The following LRMDA variants were observed in gnomAD, a reference collection of about 807,000 sequenced individuals.
LRMDA encodes leucine-rich melanocyte differentiation-associated protein.
A neutral mutation model predicts 29.8 loss-of-function variants in LRMDA; 18 were observed. The observed-to-expected ratio is 0.60, with a 90% CI of 0.42 to 0.90. The LOEUF (loss-of-function observed/expected upper bound fraction) is 0.90. LRMDA is among the 40% of genes least tolerant of loss of function. The pLI, the probability that LRMDA is intolerant of heterozygous loss-of-function variation, is 0.00. For missense variants in LRMDA, 273 were observed against 273.9 expected, an observed-to-expected ratio of 1.00 and a Z score of 0.02; for synonymous variants, 125 against 109.4, an observed-to-expected ratio of 1.14 and a Z score of -0.89.
At chr10:75,655,858 G>A (rs10824329) in intron 2 of LRMDA, among the ~76,000 whole-genome samples, 88,912 of 151,898 alleles carry the variant, frequency 0.59, 30,286 homozygotes, top group Non-Finnish European at 0.76. Flanking sequence ...TGGTTCAAAC[G>A]TGTGTGGAGC....
At chr10:76,276,447 A>G (rs1177482671) in intron 5 of LRMDA, among the ~76,000 whole-genome samples, 1 of 152,064 alleles carries the variant, frequency 6.6e-6, no homozygotes, top group African/African-American at 2.4e-5. Flanking sequence ...CCTGGCCTCT[A>G]GTGAATTTTT....
chr10:75,893,953 AAAAG>A (rs1021233059), intron 2 of LRMDA, among the ~76,000 whole-genome samples: 2 of 152,058 alleles, frequency 1.3e-5, no homozygotes, highest in Non-Finnish European at 2.9e-5. Flanking sequence ...AAACAAAAAA[AAAAG>A]AAAGAAAAGT....
chr10:75,963,815 A>G (rs1368669073), intron 2 of LRMDA, among the ~76,000 whole-genome samples: 1 of 152,238 alleles, frequency 6.6e-6, no homozygotes, highest in African/African-American at 2.4e-5. Context: ...GCATATCCAC[A>G]CACATTTGAA....
At chr10:76,525,706 A>G (rs771668676) in intron 6 of LRMDA, among the ~76,000 whole-genome samples, 8 of 152,194 alleles carry the variant, frequency 5.3e-5, no homozygotes, top group African/African-American at 7.2e-5. Flanking sequence ...TGTTTTACAT[A>G]TAATACAATA....
chr10:76,418,748 A>G lies in LRMDA; in HGVS notation c.601+94263A>G, dbSNP rs554170508. Reference sequence around the variant, plus strand: ...TAATGAGTGCTATAGAACTGTTATCATTATCCTTTATCAATTAGAAAAGGC... The same window carrying G: ...TAATGAGTGCTATAGAACTGTTATCGTTATCCTTTATCAATTAGAAAAGGC... On this transcript the variant is annotated intron_variant, in intron 6 of 6. Coordinates refer to ENST00000611255, the MANE Select transcript of LRMDA (RefSeq NM_001305581.2). 7.9e-5 allele frequency among the ~76,000 whole-genome samples: 12 copies of G among 152,106 alleles called. No homozygotes were observed. The East Asian group carries it at 1.9e-3, about 24-fold the overall frequency.
At chr10:76,120,189 A>ATTT (rs35999168) in intron 5 of LRMDA, among the ~76,000 whole-genome samples, 1 of 133,170 alleles carries the variant, frequency 7.5e-6, no homozygotes, top group African/African-American at 2.9e-5. Flanking sequence ...GTATGTGTTG[A>ATTT]TTTTTTTTTT....
At chr10:75,917,984 CAG>C (rs1427457776) in intron 2 of LRMDA, among the ~76,000 whole-genome samples, 1 of 147,420 alleles carries the variant, frequency 6.8e-6, no homozygotes, top group African/African-American at 2.6e-5. Flanking sequence ...CACACACACA[CAG>C]GCCTGGCACT....
intron 5 of LRMDA, among the ~76,000 whole-genome samples, chr10:76,319,551 C>T (rs1010037639): frequency 3.3e-5 from 5 of 152,214 alleles, no homozygotes; most frequent in African/African-American, 1.2e-4. Context: ...CCCAGCAATG[C>T]AACCAATGTT....
At chr10:76,414,633 A>G (rs910195040) in intron 6 of LRMDA, among the ~76,000 whole-genome samples, 4 of 152,218 alleles carry the variant, frequency 2.6e-5, no homozygotes, top group African/African-American at 9.6e-5. Context: ...AGGAGTTTAG[A>G]AGACTCAAGC....
At chr10:76,378,000 A>T (rs4746389) in intron 6 of LRMDA, among the ~76,000 whole-genome samples, 3,249 of 151,946 alleles carry the variant, frequency 0.021, 127 homozygotes, top group African/African-American at 0.072. Context: ...ACAATATTTG[A>T]CTTTTTAATC....
intron 2 of LRMDA, among the ~76,000 whole-genome samples, chr10:76,004,057 G>A (rs1847606042): frequency 6.6e-6 from 1 of 152,134 alleles, no homozygotes; most frequent in African/African-American, 2.4e-5. Flanking sequence ...GCAAATGAAT[G>A]AACAATGAAT....
chr10:75,706,855 A>G (rs1842376236), intron 2 of LRMDA, among the ~76,000 whole-genome samples: 1 of 151,526 alleles, frequency 6.6e-6, no homozygotes, highest in African/African-American at 2.4e-5. Flanking sequence ...CCCTTTGTCT[A>G]AAGACATGTA....
chr10:76,504,324 T>C (rs1429874328), intron 6 of LRMDA, among the ~76,000 whole-genome samples: 2 of 152,056 alleles, frequency 1.3e-5, no homozygotes, highest in Non-Finnish European at 2.9e-5. Flanking sequence ...GGTATAGTAT[T>C]CTTTAAATGT....
At chr10:76,489,967 C>A (rs988318836) in intron 6 of LRMDA, among the ~76,000 whole-genome samples, 2 of 151,840 alleles carry the variant, frequency 1.3e-5, no homozygotes, top group African/African-American at 4.8e-5. Flanking sequence ...AGTTAAACCT[C>A]TTTCCTTTAT....
intron 5 of LRMDA, among the ~76,000 whole-genome samples, chr10:76,230,554 CAA>C (rs36026287): frequency 7.8e-5 from 9 of 115,050 alleles, no homozygotes; most frequent in Non-Finnish European, 7.5e-5. Context: ...GTTAAGAGGG[CAA>C]AAAAAAAAAA....
At chr10:75,876,279 T>C (rs1194271424) in intron 2 of LRMDA, among the ~76,000 whole-genome samples, 1 of 152,190 alleles carries the variant, frequency 6.6e-6, no homozygotes, top group Non-Finnish European at 1.5e-5. Context: ...TTGCTTATTT[T>C]AAGCAGGAAG....
rs115673680 is a variant in LRMDA at position 76,175,733 on chromosome 10, C to T, written c.516+116950C>T. ...GCACCTGGGAAGAGTGAAGCCTTGGCGGGCAAGGGCAGGGCAGACCCTGCA... is the reference window on the plus strand; with the variant it reads ...GCACCTGGGAAGAGTGAAGCCTTGGTGGGCAAGGGCAGGGCAGACCCTGCA... On this transcript the variant is annotated intron_variant, in intron 5 of 6. Coordinates refer to ENST00000611255, the MANE Select transcript of LRMDA (RefSeq NM_001305581.2). 2.7e-3 allele frequency among the ~76,000 whole-genome samples: 416 copies of T among 152,224 alleles called. 9 individuals carry two copies. In the East Asian group the frequency reaches 0.063, roughly 23 times the overall value.
intron 5 of LRMDA, among the ~76,000 whole-genome samples, chr10:76,147,702 A>G (rs3998128): frequency 0.69 from 104,541 of 151,902 alleles, 36,481 homozygotes; most frequent in East Asian, 0.85. Context: ...GTCATTCTCC[A>G]TCCAGCTTTG....
intron 2 of LRMDA, among the ~76,000 whole-genome samples, chr10:75,455,919 G>A (rs1435723281): frequency 6.6e-6 from 1 of 152,174 alleles, no homozygotes; most frequent in Non-Finnish European, 1.5e-5. Context: ...AGTAGGAATG[G>A]TGAGAACCTG....
Sources: gnomAD v4.1 joint callset for allele counts (sites outside exome capture counted in the v4.1 genomes callset) on GRCh38, gnomAD v4.1.1 for gene constraint, MANE v1.5 for transcripts, NCBI Gene and HGNC (gene_info 2026-07-23, HGNC 2026-07-21) for gene names.